ACAD11: variants seen among roughly 807,000 people sequenced by gnomAD.
ACAD11 encodes acyl-Coenzyme A dehydrogenase family, member 11.
ACAD11 carries 83 observed loss-of-function variants against 102.2 expected under a neutral mutation model. The ratio of observed to expected loss-of-function variants is 0.81; its 90% CI spans 0.68 to 0.97. The LOEUF is 0.97. Ranked by LOEUF, ACAD11 falls within the 50% of genes least tolerant of loss-of-function variation. The pLI is 0.00. For synonymous variants in ACAD11, 324 were observed against 319.8 expected (o/e 1.01, Z -0.14); for missense variants, 901 against 951.7 (o/e 0.95, Z 0.70).
At chr3:132,563,425 C>G (rs1046250252) in intron 17 of ACAD11, among the ~76,000 whole-genome samples, 1 of 152,130 alleles carries the variant, frequency 6.6e-6, no homozygotes, top group African/African-American at 2.4e-5. Flanking sequence ...TGTTAGTCTT[C>G]TAATCTACAT....
At chr3:132,581,183 C>A (rs923036994) in intron 13 of ACAD11, among the ~76,000 whole-genome samples, 1 of 151,926 alleles carries the variant, frequency 6.6e-6, no homozygotes. Flanking sequence ...ATTAGTCTGG[C>A]ATCAGACTTC....
At chr3:132,626,994 T>G (rs1324748381) in intron 8 of ACAD11, 177 bp from the exon 9 acceptor site, 1 of 560,692 alleles carries the variant, frequency 1.8e-6, no homozygotes, top group South Asian at 2.7e-5. Context: ...CAGAATCACT[T>G]CCATTTTAAA....
chr3:132,623,233 T>C (rs546565300), intron 9 of ACAD11, among the ~76,000 whole-genome samples: 2 of 152,306 alleles, frequency 1.3e-5, no homozygotes, highest in African/African-American at 2.4e-5. Flanking sequence ...GAAAAAGTCA[T>C]GAAGCGTCTC....
At chr3:132,605,283 T>C (rs948183779) in intron 11 of ACAD11, 78 bp from the exon 12 acceptor site, 290 of 898,400 alleles carry the variant, frequency 3.2e-4, no homozygotes, top group Non-Finnish European at 4.3e-4. Flanking sequence ...GTAGAGAGTA[T>C]AGAAATGCAT....
chr3:132,639,749 T>TA, intron 4 of ACAD11, 93 bp from the exon 5 acceptor site: 1 of 1,152,308 alleles, frequency 8.7e-7, no homozygotes, highest in Non-Finnish European at 1.2e-6. Flanking sequence ...AATGCTGTTT[T>TA]ACTCCTAAAT....
At chr3:132,584,519 C>G (rs1937714589) in intron 13 of ACAD11, among the ~76,000 whole-genome samples, 2 of 152,064 alleles carry the variant, frequency 1.3e-5, no homozygotes, top group Admixed American at 1.3e-4. Context: ...TTCCAATTTG[C>G]CAGTCTGTGT....
intron 1 of ACAD11, among the ~76,000 whole-genome samples, chr3:132,656,694 A>G (rs928772874): frequency 3.3e-5 from 5 of 151,994 alleles, no homozygotes; most frequent in Admixed American, 1.3e-4. Flanking sequence ...GGGTTTCACC[A>G]TGTTGGCCAG....
At chr3:132,658,089 C>T (rs1433003386) in intron 1 of ACAD11, among the ~76,000 whole-genome samples, 1 of 152,088 alleles carries the variant, frequency 6.6e-6, no homozygotes, top group Non-Finnish European at 1.5e-5. Context: ...TCTTGAACTC[C>T]TGACCTCAAG....
In ACAD11 at chr3:132,652,585, A is replaced by G. The variant is rs932095688; in HGVS notation, c.149+7018T>C. On this transcript the variant is annotated intron_variant, in intron 1 of 19. Transcript: ENST00000264990. The stretch of plus-strand genomic sequence containing the variant: ...CCATTTTTTTTTTGCTTACACTGAT[A>G]TAACTGGCCATAGCTGAAGAAAGAC... Among the ~76,000 whole-genome samples the G allele has an allele frequency of 2.1e-4, 32 of 152,054 alleles. 1 individual carries two copies. The highest frequency in any genetic ancestry group is 1.9e-4 in the East Asian group (1 of 5,188).
intron 1 of ACAD11, chr3:132,649,684 G>A (rs1940860504): frequency 6.6e-6 from 1 of 152,146 alleles, no homozygotes; most frequent in Non-Finnish European, 1.5e-5. Context: ...GGTCCCCTGG[G>A]CCCACTTTTC....
intron 5 of ACAD11, among the ~76,000 whole-genome samples, chr3:132,636,270 C>T (rs959331301): frequency 2.0e-5 from 3 of 152,058 alleles, no homozygotes; most frequent in African/African-American, 7.2e-5. Flanking sequence ...TTTACTAGTT[C>T]GTCTTACTGC....
chr3:132,612,016 C>G (rs150273563), intron 11 of ACAD11, among the ~76,000 whole-genome samples: 14,122 of 151,962 alleles, frequency 0.093, 832 homozygotes, highest in Middle Eastern at 0.14. Context: ...GGTACTGGTA[C>G]TAAAACAGAG....
intron 11 of ACAD11, among the ~76,000 whole-genome samples, chr3:132,613,874 G>C (rs1453905854): frequency 6.6e-6 from 1 of 151,934 alleles, no homozygotes; most frequent in African/African-American, 2.4e-5. Flanking sequence ...TCTCCAGCTT[G>C]GGCGAGACGA....
At chr3:132,603,464 C>G (rs111798373) in intron 12 of ACAD11, 137 bp from the exon 13 acceptor site, 1 of 677,466 alleles carries the variant, frequency 1.5e-6, no homozygotes, top group African/African-American at 1.8e-5. Context: ...CCCTGCTTTT[C>G]CCATAACCTA....
chr3:132,610,646 A>G (rs1467687895), intron 11 of ACAD11, among the ~76,000 whole-genome samples: 5 of 152,232 alleles, frequency 3.3e-5, no homozygotes, highest in Non-Finnish European at 7.3e-5. Flanking sequence ...ATTCCTAGAC[A>G]CATACACCCT....
intron 17 of ACAD11, among the ~76,000 whole-genome samples, chr3:132,568,653 C>T (rs1007994203): frequency 2.6e-5 from 4 of 151,928 alleles, no homozygotes; most frequent in Admixed American, 2.6e-4. Flanking sequence ...GAGACTGACG[C>T]ATAGATAATT....
At chr3:132,657,866 C>CTTT (rs56190801) in intron 1 of ACAD11, among the ~76,000 whole-genome samples, 73 of 119,156 alleles carry the variant, frequency 6.1e-4, no homozygotes, top group African/African-American at 1.8e-3. Context: ...ACACATATTC[C>CTTT]TTTTTTTTTT....
intron 17 of ACAD11, among the ~76,000 whole-genome samples, chr3:132,575,250 T>C (rs889862679): frequency 1.4e-4 from 21 of 152,302 alleles, no homozygotes; most frequent in African/African-American, 3.8e-4. Context: ...ATTCAAAAAG[T>C]CATGAATATC....
In ACAD11 at chr3:132,570,910, T is replaced by C. The variant is rs1448694092; in HGVS notation, c.2001+4862A>G. On this transcript the variant is annotated intron_variant, in intron 17 of 19. Coordinates refer to ENST00000264990, the MANE Select transcript of ACAD11 (RefSeq NM_032169.5). ...CACATTTTCTTTATCCAGTCTATCATTGATGAGCATTTAGGTTGATTCCAT... is the reference window on the plus strand; with the variant it reads ...CACATTTTCTTTATCCAGTCTATCACTGATGAGCATTTAGGTTGATTCCAT... Among the ~76,000 whole-genome samples, 12 of 152,330 alleles carry C rather than the reference T, an allele frequency of 7.9e-5. 2 individuals carry two copies. The highest frequency in any genetic ancestry group is 5.2e-4 in the Admixed American group (8 of 15,298).
Sources: allele counts gnomAD v4.1 joint callset (sites outside exome capture counted in the v4.1 genomes callset), GRCh38; gene constraint gnomAD v4.1.1; transcripts MANE v1.5; gene names NCBI Gene and HGNC (gene_info 2026-07-23, HGNC 2026-07-21).